Variants in BMPER observed in about 807,000 individuals in gnomAD.
BMPER encodes the protein BMP binding endothelial regulator.
Under a neutral mutation model 87.3 loss-of-function variants are expected in BMPER, and 45 were observed. That is an observed-to-expected ratio of 0.52 (90% CI 0.41 to 0.66). BMPER has a LOEUF of 0.66. BMPER is among the 30% of genes least tolerant of loss of function. BMPER has a pLI of 0.00. For missense variants in BMPER, 784 were observed against 867.5 expected (o/e 0.90, Z 1.21); for synonymous variants, 326 against 316.2 (o/e 1.03, Z -0.33).
intron 2 of BMPER, among the ~76,000 whole-genome samples, chr7:33,920,134 T>C (rs1034792087): frequency 6.6e-5 from 10 of 152,190 alleles, no homozygotes; most frequent in Non-Finnish European, 1.3e-4. Context: ...TGTTGCCCGA[T>C]CTATCCCCTT....
intron 13 of BMPER, among the ~76,000 whole-genome samples, chr7:34,111,836 C>T (rs1304830208): frequency 6.6e-6 from 1 of 152,188 alleles, no homozygotes; most frequent in African/African-American, 2.4e-5. Context: ...GCCTCAGCCT[C>T]CCAAGTAGCT....
At chr7:34,066,551 A>G (rs937730694) in intron 11 of BMPER, among the ~76,000 whole-genome samples, 13 of 152,222 alleles carry the variant, frequency 8.5e-5, no homozygotes, top group Non-Finnish European at 1.3e-4. Context: ...CCTTAAGCCA[A>G]TCTGGACTTG....
rs150301590 is a variant in BMPER, at chr7:34,110,873, G to T, written c.1745+24781G>T. Among the ~76,000 whole-genome samples, 204 of 152,324 alleles carry T rather than the reference G, an allele frequency of 1.3e-3. 1 individual carries two copies. The highest frequency in any genetic ancestry group is 4.5e-3 in the African/African-American group (189 of 41,580). ...ATACTAATTTTAGGATTGAGAGATTGTTGTAGGTCTCTGGGGTTAAAGTCT... is the reference window on the plus strand; with the variant it reads ...ATACTAATTTTAGGATTGAGAGATTTTTGTAGGTCTCTGGGGTTAAAGTCT... On this transcript the variant is annotated intron_variant, in intron 13 of 14. Coordinates refer to ENST00000649409, the MANE Select transcript of BMPER (RefSeq NM_001365308.1).
intron 6 of BMPER, among the ~76,000 whole-genome samples, chr7:34,010,311 G>A (rs1409669188): frequency 6.6e-6 from 1 of 151,940 alleles, no homozygotes; most frequent in Non-Finnish European, 1.5e-5. Context: ...ATGGTTGTGT[G>A]ATTATGTTTT....
chr7:34,009,775 C>A (rs1786830744), intron 6 of BMPER, among the ~76,000 whole-genome samples: 1 of 151,900 alleles, frequency 6.6e-6, no homozygotes, highest in Admixed American at 6.6e-5. Context: ...GCTTGTTCAG[C>A]AAGTTTCAGG....
chr7:34,006,284 A>G (rs1464269742), intron 6 of BMPER, among the ~76,000 whole-genome samples: 2 of 152,114 alleles, frequency 1.3e-5, no homozygotes, highest in African/African-American at 4.8e-5. Flanking sequence ...AAAGCCTTAG[A>G]AAAATAAAGA....
intron 13 of BMPER, among the ~76,000 whole-genome samples, chr7:34,103,524 C>G (rs1325706934): frequency 6.6e-6 from 1 of 152,124 alleles, no homozygotes; most frequent in African/African-American, 2.4e-5. Context: ...GATTGTTTTC[C>G]TCTGAATTTA....
At chr7:33,998,471 T>C (rs1786480306) in intron 6 of BMPER, among the ~76,000 whole-genome samples, 1 of 152,188 alleles carries the variant, frequency 6.6e-6, no homozygotes, top group Non-Finnish European at 1.5e-5. Context: ...AATTTGTGAG[T>C]TCTTGAATGC....
intron 13 of BMPER, among the ~76,000 whole-genome samples, chr7:34,086,941 G>T (rs1447295754): frequency 6.6e-6 from 1 of 152,166 alleles, no homozygotes; most frequent in Non-Finnish European, 1.5e-5. Flanking sequence ...AAAAGGCCTT[G>T]TTTAAGTGAT....
chr7:34,150,396 C>A (rs1481049570), intron 14 of BMPER, among the ~76,000 whole-genome samples: 1 of 152,024 alleles, frequency 6.6e-6, no homozygotes, highest in Non-Finnish European at 1.5e-5. Flanking sequence ...ATATCCTGAT[C>A]CCACCTTGAG....
At chr7:33,935,034 A>G (rs573838478) in intron 2 of BMPER, among the ~76,000 whole-genome samples, 11 of 152,300 alleles carry the variant, frequency 7.2e-5, no homozygotes, top group African/African-American at 2.6e-4. Context: ...CTTTGGTGGG[A>G]GTTGGGAGAG....
intron 6 of BMPER, among the ~76,000 whole-genome samples, chr7:33,975,681 A>T (rs1271760011): frequency 1.3e-5 from 2 of 152,216 alleles, no homozygotes; most frequent in Non-Finnish European, 2.9e-5. Flanking sequence ...AATAAAGAAC[A>T]TACATTTTCC....
chr7:33,996,350 G>A (rs187045109), intron 6 of BMPER, among the ~76,000 whole-genome samples: 627 of 152,142 alleles, frequency 4.1e-3, no homozygotes, highest in Non-Finnish European at 7.2e-3. Context: ...TTTAGCTGTC[G>A]TATTTTTTTA....
At chr7:34,102,318 C>T (rs193049229) in intron 13 of BMPER, among the ~76,000 whole-genome samples, 6 of 152,280 alleles carry the variant, frequency 3.9e-5, no homozygotes, top group East Asian at 3.9e-4. Flanking sequence ...TTGGGGCTGT[C>T]GCCATTTCTA....
chr7:33,941,061 A>AT (rs551689083), intron 3 of BMPER, among the ~76,000 whole-genome samples: 1 of 133,726 alleles, frequency 7.5e-6, no homozygotes, highest in African/African-American at 2.8e-5. Flanking sequence ...TATGTAATAT[A>AT]TTACATATAA....
At chr7:33,941,405 G>T (rs1198201526) in intron 3 of BMPER, among the ~76,000 whole-genome samples, 2 of 151,448 alleles carry the variant, frequency 1.3e-5, no homozygotes, top group Non-Finnish European at 2.9e-5. Flanking sequence ...GGGGTCGGGG[G>T]ATGGTTTTGG....
At chr7:33,985,021 A>G (rs1034613164) in intron 6 of BMPER, among the ~76,000 whole-genome samples, 2 of 152,186 alleles carry the variant, frequency 1.3e-5, no homozygotes, top group African/African-American at 2.4e-5. Context: ...GTTACACACT[A>G]TGTTAGGCCC....
intron 13 of BMPER, among the ~76,000 whole-genome samples, chr7:34,108,592 T>A (rs983353559): frequency 6.6e-6 from 1 of 152,246 alleles, no homozygotes; most frequent in African/African-American, 2.4e-5. Flanking sequence ...TTCTTACAAG[T>A]CCCTTTAGTG....
At chr7:34,000,333 T>C (rs181901312) in intron 6 of BMPER, among the ~76,000 whole-genome samples, 2 of 152,132 alleles carry the variant, frequency 1.3e-5, no homozygotes, top group East Asian at 3.9e-4. Flanking sequence ...TGAAGATAGA[T>C]GAAAGAGACT....
Sources: allele counts gnomAD v4.1 joint callset (sites outside exome capture counted in the v4.1 genomes callset), GRCh38; gene constraint gnomAD v4.1.1; transcripts MANE v1.5; gene names NCBI Gene and HGNC (gene_info 2026-07-23, HGNC 2026-07-21).